Variants in ADGRB3 observed in about 807,000 individuals in gnomAD.
ADGRB3 encodes adhesion G protein-coupled receptor B3.
ADGRB3 carries 37 observed loss-of-function variants against 193.4 expected under a neutral mutation model. The observed-to-expected ratio is 0.19, with a 90% CI of 0.15 to 0.25. The LOEUF (loss-of-function observed/expected upper bound fraction) is 0.25, where lower values mean the gene tolerates loss of function less well. Among genes scored for constraint, ADGRB3 ranks in the 10% least tolerant of loss-of-function variants. The probability of loss-of-function intolerance (pLI) is 1.00; values close to 1 mark genes in which losing one functional copy is unlikely to be tolerated. For synonymous variants in ADGRB3, 690 were observed against 644.2 expected (o/e 1.07, Z -1.08); for missense variants, 1,637 against 1,852.9 (o/e 0.88, Z 2.14).
Position 69,223,518 on chromosome 6 carries a change from A to G in ADGRB3, c.2481-9772A>G, listed in dbSNP as rs773795332. ...TGATCCCATGCCAAAAGCATGACTC[A>G]GTCAGGTATAGCCAAGCCACACCAT... On this transcript the variant is annotated intron_variant, in intron 17 of 31. Coordinates refer to ENST00000370598, the MANE Select transcript of ADGRB3 (RefSeq NM_001704.3). Among the ~76,000 whole-genome samples the G allele has an allele frequency of 1.5e-3, 221 of 152,250 alleles. 3 individuals are homozygous for G. The highest frequency in any genetic ancestry group is 4.3e-4 in the Non-Finnish European group (29 of 68,012).
chr6:69,380,489 T>G (rs974583589), intron 30 of ADGRB3, among the ~76,000 whole-genome samples: 1 of 151,892 alleles, frequency 6.6e-6, no homozygotes, highest in Non-Finnish European at 1.5e-5. Context: ...TTTCTTGTAC[T>G]TGAAAAGGAA....
chr6:68,893,527 CTCTT>C (rs1344132306), intron 3 of ADGRB3, among the ~76,000 whole-genome samples: 2 of 150,196 alleles, frequency 1.3e-5, no homozygotes, highest in Non-Finnish European at 3.0e-5. Flanking sequence ...GGACAACCAA[CTCTT>C]TTTTTTTTTT....
intron 17 of ADGRB3, among the ~76,000 whole-genome samples, chr6:69,180,819 C>T (rs2150351298): frequency 6.6e-6 from 1 of 152,324 alleles, no homozygotes; most frequent in African/African-American, 2.4e-5. Context: ...TGGCCAAAGA[C>T]TAAAATGCCT....
At chr6:69,358,034 AT>A (rs1373433548) in intron 28 of ADGRB3, among the ~76,000 whole-genome samples, 1 of 151,952 alleles carries the variant, frequency 6.6e-6, no homozygotes, top group Non-Finnish European at 1.5e-5. Flanking sequence ...ATAAGTATTC[AT>A]TTAATTCCTA....
chr6:69,328,463 G>C (rs1768632371), intron 22 of ADGRB3, among the ~76,000 whole-genome samples: 1 of 152,110 alleles, frequency 6.6e-6, no homozygotes, highest in Non-Finnish European at 1.5e-5. Context: ...GAGAGAATTT[G>C]TGTTTGAATT....
intron 20 of ADGRB3, among the ~76,000 whole-genome samples, chr6:69,250,861 C>T (rs1012499577): frequency 1.3e-5 from 2 of 152,134 alleles, no homozygotes; most frequent in African/African-American, 4.8e-5. Context: ...GTTTAAAACC[C>T]TTTGGTGAAA....
chr6:69,048,930 A>T (rs997640443), intron 14 of ADGRB3, among the ~76,000 whole-genome samples: 2 of 152,158 alleles, frequency 1.3e-5, no homozygotes, highest in African/African-American at 4.8e-5. Context: ...CAAAAGTGAC[A>T]TCGTACTCAC....
intron 17 of ADGRB3, among the ~76,000 whole-genome samples, chr6:69,089,191 T>A (rs1382105940): frequency 6.6e-6 from 1 of 152,206 alleles, no homozygotes; most frequent in Non-Finnish European, 1.5e-5. Flanking sequence ...GACAGCAGTA[T>A]TTTCTAATGA....
chr6:68,909,338 G>A (rs1269722455), intron 3 of ADGRB3, among the ~76,000 whole-genome samples: 1 of 152,056 alleles, frequency 6.6e-6, no homozygotes, highest in Non-Finnish European at 1.5e-5. Flanking sequence ...TTTACTTTTA[G>A]TATCGTAGGA....
chr6:68,982,215 C>G (rs1160179383), intron 10 of ADGRB3, among the ~76,000 whole-genome samples: 1 of 152,084 alleles, frequency 6.6e-6, no homozygotes, highest in Non-Finnish European at 1.5e-5. Context: ...TCTGTCGTAT[C>G]TCCTGGCCAC....
intron 10 of ADGRB3, among the ~76,000 whole-genome samples, chr6:68,991,286 G>C (rs1769229670): frequency 6.6e-6 from 1 of 152,126 alleles, no homozygotes; most frequent in African/African-American, 2.4e-5. Flanking sequence ...TCAGTATGTT[G>C]AATAAGGTTC....
Position 69,196,838 on chromosome 6 carries a change from C to T in ADGRB3, c.2481-36452C>T, listed in dbSNP as rs149689163. Among the ~76,000 whole-genome samples the T allele has an allele frequency of 2.6e-5, 4 of 152,146 alleles. No individual in the cohort carries two copies. The East Asian group carries it at 5.8e-4, about 22-fold the overall frequency. ...AAAGAGGTAATTCCTTGATTTATCA[C>T]AAAGGGTGATTTGTCATCTAATGAA... On this transcript the variant is annotated intron_variant, in intron 17 of 31. Transcript: ENST00000370598.
intron 3 of ADGRB3, among the ~76,000 whole-genome samples, chr6:68,642,092 G>T (rs1219776013): frequency 6.6e-6 from 1 of 151,918 alleles, no homozygotes; most frequent in Non-Finnish European, 1.5e-5. Flanking sequence ...AAAAAAGGTT[G>T]TCTCTTAAGT....
At chr6:68,929,640 T>C (rs1258374790) in intron 3 of ADGRB3, among the ~76,000 whole-genome samples, 3 of 152,122 alleles carry the variant, frequency 2.0e-5, no homozygotes, top group Non-Finnish European at 2.9e-5. Flanking sequence ...TAAACTCCTA[T>C]GAGACAGAAC....
chr6:69,290,582 G>A (rs982446173), intron 20 of ADGRB3, among the ~76,000 whole-genome samples: 1 of 152,152 alleles, frequency 6.6e-6, no homozygotes, highest in Non-Finnish European at 1.5e-5. Context: ...GTCAGTATAT[G>A]ACTAAGCCTC....
chr6:69,323,629 G>A (rs1428583397), intron 20 of ADGRB3, among the ~76,000 whole-genome samples: 1 of 152,016 alleles, frequency 6.6e-6, no homozygotes, highest in Non-Finnish European at 1.5e-5. Flanking sequence ...GATGATAATA[G>A]TTATATTTGG....
chr6:68,866,224 G>A (rs1324777681), intron 3 of ADGRB3, among the ~76,000 whole-genome samples: 1 of 152,174 alleles, frequency 6.6e-6, no homozygotes, highest in African/African-American at 2.4e-5. Context: ...GGAGGTGACT[G>A]GATCATGGGG....
intron 3 of ADGRB3, among the ~76,000 whole-genome samples, chr6:68,889,811 A>T (rs943589962): frequency 1.3e-5 from 2 of 152,112 alleles, no homozygotes; most frequent in Non-Finnish European, 2.9e-5. Flanking sequence ...CTAAGTAAAT[A>T]TTCTTAAACG....
At chr6:69,173,183 A>G (rs1270360255) in intron 17 of ADGRB3, among the ~76,000 whole-genome samples, 1 of 152,188 alleles carries the variant, frequency 6.6e-6, no homozygotes, top group Non-Finnish European at 1.5e-5. Context: ...GATTATGGGC[A>G]TGTACCACCA....
Sources: allele counts gnomAD v4.1 joint callset (sites outside exome capture counted in the v4.1 genomes callset), GRCh38; gene constraint gnomAD v4.1.1; transcripts MANE v1.5; gene names NCBI Gene and HGNC (gene_info 2026-07-23, HGNC 2026-07-21).